PADI6: variants seen among roughly 807,000 people sequenced by gnomAD.
The protein encoded by PADI6 is peptidyl arginine deiminase 6, also known as inactive protein-arginine deiminase type-6.
A neutral mutation model predicts 78.2 loss-of-function variants in PADI6; 66 were observed. That is an observed-to-expected ratio of 0.84 (90% CI 0.69 to 1.04). The LOEUF is 1.04. Among genes scored for constraint, PADI6 ranks in the 50% least tolerant of loss-of-function variants. The pLI, the probability that PADI6 is intolerant of heterozygous loss-of-function variation, is 0.00. For missense variants in PADI6, 854 were observed against 866.1 expected (o/e 0.99, Z 0.18); for synonymous variants, 397 against 346.9 (o/e 1.14, Z -1.60).
chr1:17,400,156 C>T (rs1294090176), intron 15 of PADI6, among the ~76,000 whole-genome samples: 6 of 150,600 alleles, frequency 4.0e-5, no homozygotes, highest in Non-Finnish European at 8.9e-5. Context: ...TACAATGAGC[C>T]ACTGCACTCT....
chr1:17,379,098 C>T (rs910284496), intron 3 of PADI6, among the ~76,000 whole-genome samples: 2 of 148,960 alleles, frequency 1.3e-5, no homozygotes, highest in Non-Finnish European at 3.0e-5. Flanking sequence ...GTACCCTCCA[C>T]CATGCCCAGT....
intron 4 of PADI6, among the ~76,000 whole-genome samples, chr1:17,380,679 A>C (rs562930057): frequency 0.038 from 5,766 of 152,216 alleles, 378 homozygotes; most frequent in African/African-American, 0.13. Context: ...CTAAAAAAAA[A>C]ACCAGAATGT....
At chr1:17,391,807 G>GA (rs2075187137) in intron 8 of PADI6, among the ~76,000 whole-genome samples, 1 of 152,208 alleles carries the variant, frequency 6.6e-6, no homozygotes, top group South Asian at 2.1e-4. Context: ...AGAACGAAAG[G>GA]AAGGGTACTT....
chr1:17,391,035 T>C (rs888477943), intron 8 of PADI6, among the ~76,000 whole-genome samples: 3 of 152,174 alleles, frequency 2.0e-5, no homozygotes, highest in African/African-American at 4.8e-5. Context: ...ATAGGTTCTT[T>C]GGAGCAGTAG....
At chr1:17,379,032 CCTT>C (rs2100291987) in intron 3 of PADI6, among the ~76,000 whole-genome samples, 1 of 151,988 alleles carries the variant, frequency 6.6e-6, no homozygotes, top group South Asian at 2.1e-4. Flanking sequence ...GCAACCTCCA[CCTT>C]CCCAGCTCAA....
At chr1:17,381,692 T>A (rs1472703025) in intron 5 of PADI6, among the ~76,000 whole-genome samples, 2 of 152,136 alleles carry the variant, frequency 1.3e-5, no homozygotes, top group African/African-American at 4.8e-5. Context: ...AGGTGAACCT[T>A]CACTGAACTG....
intron 3 of PADI6, among the ~76,000 whole-genome samples, chr1:17,379,575 C>A (rs2100293112): frequency 6.6e-6 from 1 of 152,222 alleles, no homozygotes; most frequent in African/African-American, 2.4e-5. Context: ...TTTCCTATGT[C>A]TTGGAGCATA....
rs1489342597 is a variant in PADI6, at chr1:17,398,811, C to T, written c.1815C>T (p.Pro605=). ...CTAACATCCCCTCTGACCAGCAGCC[C>T]AAGAGGTCCTTTGCGAGGCCATACT... The part of the protein sequence containing the change: ...KLTNIPSDQQ[P]KRSFARPYFP... Residue 605 remains proline, a synonymous_variant, in exon 15 of 16, where the codon CCC becomes CCT. Transcript: ENST00000619609. 3 of 1,613,322 alleles carry T rather than the reference C, an allele frequency of 1.9e-6. No individual in the cohort carries two copies. The highest frequency in any genetic ancestry group is 1.7e-5 in the Admixed American group (1 of 59,954).
chr1:17,379,600 A>T (rs2075053189), intron 3 of PADI6, among the ~76,000 whole-genome samples: 1 of 152,116 alleles, frequency 6.6e-6, no homozygotes, highest in Non-Finnish European at 1.5e-5. Context: ...TTTCCAGAAG[A>T]CTAGAGAGGT....
intron 14 of PADI6, among the ~76,000 whole-genome samples, chr1:17,398,335 T>TA (rs1434980574): frequency 1.3e-5 from 2 of 152,048 alleles, no homozygotes; most frequent in Non-Finnish European, 2.9e-5. Flanking sequence ...TTTCAAGACC[T>TA]AGGGAGACAG....
At chr1:17,389,244 G>A (rs922836399) in intron 8 of PADI6, among the ~76,000 whole-genome samples, 5 of 152,202 alleles carry the variant, frequency 3.3e-5, no homozygotes, top group South Asian at 2.1e-4. Flanking sequence ...AGGAAGGGGC[G>A]GTGTGGGGAT....
At chr1:17,389,128 A>T (rs527775661) in intron 8 of PADI6, among the ~76,000 whole-genome samples, 28 of 152,312 alleles carry the variant, frequency 1.8e-4, no homozygotes, top group African/African-American at 6.3e-4. Flanking sequence ...CATGGTTTTA[A>T]ACAGTACCAA....
At position 17,401,585 on chromosome 1, in the gene PADI6, AC is replaced by A; in HGVS notation, c.*150del. ...CCTGTCTGCCCCGACCGACCCTCGGACCCAGTAGGATGGCAAATGCCGCCAG... is the reference window on the plus strand; with the variant it reads ...CCTGTCTGCCCCGACCGACCCTCGGACCAGTAGGATGGCAAATGCCGCCAG... On this transcript the variant is annotated 3_prime_UTR_variant, in exon 16 of 16. Transcript: ENST00000619609. The A allele has an allele frequency of 1.4e-6, 1 of 726,406 alleles. No individual in the cohort carries two copies. Among genetic ancestry groups the A allele is most frequent in the Non-Finnish European group, 2.2e-6 (1 of 449,640 alleles). The allele number at this position is 726,406 out of a possible 1,614,324, so 45.0% of individuals were successfully genotyped here.
chr1:17,388,425 C>A lies in PADI6; in HGVS notation c.724C>A (p.His242Asn), dbSNP rs2075144997. 1.2e-6 allele frequency: 2 copies of A among 1,613,620 alleles called. No individual in the cohort carries two copies. Among genetic ancestry groups the A allele is most frequent in the Non-Finnish European group, 1.7e-6 (2 of 1,179,800 alleles). Residue 242 changes from histidine (H) to asparagine (N), a missense_variant, in exon 7 of 16, where the codon CAC (histidine) becomes AAC (asparagine). Transcript: ENST00000619609. ...TGAGTTGGTGCTGGGGCCCGACCAG[C>A]ACGCCTATACCTTGGCCCTCCTCGG... Reference protein sequence around the residue: ...TFELVLGPDQHAYTLALLGNH... With the variant: ...TFELVLGPDQNAYTLALLGNH...
chr1:17,395,652 T>C lies in PADI6; in HGVS notation c.1607T>C (p.Leu536Pro). 6.2e-7 allele frequency: 1 copy of C among 1,611,664 alleles called. No individual in the cohort carries two copies. Among genetic ancestry groups the C allele is most frequent in the Non-Finnish European group, 8.5e-7 (1 of 1,178,958 alleles). ...TTTGATGAGCTTAGAGCAGATCAGC[T>C]CCTGTCTAATGGTAAGGGAACTCCC... Reference protein sequence around the residue: ...LLFDELRADQLLSNGREAKTI... With the variant: ...LLFDELRADQPLSNGREAKTI... The change falls in exon 13 of 16, where the codon CTC becomes CCC. Residue 536 changes from leucine to proline, a missense_variant. Leu to Pro is a moderately conservative substitution (Grantham distance 98, BLOSUM62 -3). Transcript: ENST00000619609.
intron 6 of PADI6, among the ~76,000 whole-genome samples, chr1:17,386,272 A>G (rs963934707): frequency 3.9e-5 from 6 of 152,214 alleles, no homozygotes; most frequent in African/African-American, 1.4e-4. Context: ...CACAGCTCCT[A>G]GCAAAGATAG....
intron 6 of PADI6, among the ~76,000 whole-genome samples, chr1:17,382,522 C>T (rs980466209): frequency 5.9e-4 from 90 of 152,178 alleles, no homozygotes; most frequent in African/African-American, 2.1e-3. Context: ...ACCTCTAGAG[C>T]GGCAGCCACG....
intron 6 of PADI6, among the ~76,000 whole-genome samples, chr1:17,386,215 C>T (rs2075117971): frequency 6.6e-6 from 1 of 152,184 alleles, no homozygotes; most frequent in Non-Finnish European, 1.5e-5. Context: ...CAAATGCCTG[C>T]TTCAAAGGGT....
chr1:17,388,891 A>G lies in PADI6; in HGVS notation c.962+11A>G. ...GGTTTACCTGTGCAGGTGAGAGACC[A>G]TCAGGCTGACTGTGCCAGGCGGTTC... On this transcript the variant is annotated intron_variant, in intron 8 of 15. Transcript: ENST00000619609. 2 of 1,606,802 alleles carry G rather than the reference A, an allele frequency of 1.2e-6. No individual in the cohort carries two copies. The highest frequency in any genetic ancestry group is 1.1e-5 in the South Asian group (1 of 90,456).
Sources: gnomAD v4.1 joint callset for allele counts (sites outside exome capture counted in the v4.1 genomes callset) on GRCh38, gnomAD v4.1.1 for gene constraint, MANE v1.5 for transcripts, NCBI Gene and HGNC (gene_info 2026-07-23, HGNC 2026-07-21) for gene names.